The following CDK1 variants were observed in gnomAD, a reference collection of about 807,000 sequenced individuals.
The protein encoded by CDK1 is cyclin dependent kinase 1, also known as cyclin-dependent kinase 1.
CDK1 carries 5 observed loss-of-function variants against 34.6 expected under a neutral mutation model. The ratio of observed to expected loss-of-function variants is 0.14; its 90% CI spans 0.08 to 0.30. The LOEUF (loss-of-function observed/expected upper bound fraction) is 0.30. CDK1 is among the 10% of genes least tolerant of loss of function. CDK1 has a pLI of 1.00. For synonymous variants in CDK1, 108 were observed against 114.7 expected (o/e 0.94, Z 0.37); for missense variants, 157 against 345.7 (o/e 0.45, Z 4.33).
chr10:60,794,552 T>C lies in CDK1; in HGVS notation c.*577T>C, dbSNP rs189563607. ...TTTTCAGTAACTTAAAAAGCTAACATGAGAGCATGCCAAAATTTGCTAAGT... is the reference window on the plus strand; with the variant it reads ...TTTTCAGTAACTTAAAAAGCTAACACGAGAGCATGCCAAAATTTGCTAAGT... On this transcript the variant is annotated 3_prime_UTR_variant, in exon 8 of 8. Transcript: ENST00000395284. 6.6e-6 allele frequency: 1 copy of C among 152,270 alleles called. No individual in the cohort carries two copies. Among genetic ancestry groups the C allele is most frequent in the East Asian group, 1.9e-4 (1 of 5,180 alleles). 9.4% of individuals were successfully genotyped at this position (152,270 alleles called of 1,614,324 possible).
rs2080331594 is a variant in CDK1 at position 60,788,176 on chromosome 10, T to A, written c.435T>A (p.Ala145=). Residue 145 remains alanine, a synonymous_variant, in exon 5 of 8, where the codon GCT becomes GCA. Transcript: ENST00000395284. ...ATGACAAAGGAACAATTAAACTGGC[T>A]GATTTTGGCCTTGCCAGAGCTTTTG... is the stretch of plus-strand genomic sequence containing the variant. ...LIDDKGTIKL[A]DFGLARAFGI... is the part of the protein sequence containing the mutation. 1 of 1,611,670 alleles carries A rather than the reference T, an allele frequency of 6.2e-7. No individual in the cohort carries two copies. The highest frequency in any genetic ancestry group is 1.7e-5 in the Admixed American group (1 of 59,882).
chr10:60,784,000 A>G (rs1046769194), intron 2 of CDK1, among the ~76,000 whole-genome samples: 1 of 152,214 alleles, frequency 6.6e-6, no homozygotes, highest in Non-Finnish European at 1.5e-5. Flanking sequence ...GTATTTTCTG[A>G]AAGTGTCATA....
chr10:60,789,804 G>A (rs1011279025), intron 5 of CDK1, among the ~76,000 whole-genome samples: 1 of 152,156 alleles, frequency 6.6e-6, no homozygotes, highest in African/African-American at 2.4e-5. Context: ...GTTCTAGTTT[G>A]TAGTTTTTTG....
At chr10:60,788,765 A>G (rs2080335643) in intron 5 of CDK1, among the ~76,000 whole-genome samples, 1 of 152,072 alleles carries the variant, frequency 6.6e-6, no homozygotes, top group Non-Finnish European at 1.5e-5. Context: ...GTGTTTCTGA[A>G]GGAAAGGGAA....
chr10:60,779,137 A>G (rs2080250460), intron 1 of CDK1, among the ~76,000 whole-genome samples: 1 of 137,328 alleles, frequency 7.3e-6, no homozygotes, highest in African/African-American at 2.6e-5. Context: ...CAGTCAGCCC[A>G]GGCACTTAAC....
At chr10:60,788,379 C>A in intron 5 of CDK1, 149 bp downstream of exon 5, 1 of 497,184 alleles carries the variant, frequency 2.0e-6, no homozygotes, top group African/African-American at 2.0e-5. Flanking sequence ...AAATTCATTG[C>A]ATGCTATGTG....
chr10:60,778,471 AC>A (rs2080241388), upstream of CDK1: 1 of 152,204 alleles, frequency 6.6e-6, no homozygotes, highest in Admixed American at 6.5e-5. Flanking sequence ...TGAGTTTGAA[AC>A]TGCTCGCACT....
rs1437567770 is a variant in CDK1, at chr10:60,794,351, T to G, written c.*376T>G. 5 of 155,984 alleles carry G rather than the reference T, an allele frequency of 3.2e-5. No homozygotes were observed. Among genetic ancestry groups the G allele is most frequent in the Non-Finnish European group, 7.1e-5 (5 of 70,722 alleles). The allele number at this position is 155,984 out of a possible 1,614,324, so 9.7% of individuals were successfully genotyped here. A position where few individuals can be genotyped will look rare whatever the true frequency, so the allele number is the denominator to read the frequency against. The stretch of plus-strand genomic sequence containing the variant: ...TCAAGTTTCGTAATGCTTTGAAGTA[T>G]TTTTATGCTCTGAATGTTTAAATGT... On this transcript the variant is annotated 3_prime_UTR_variant, in exon 8 of 8. Transcript: ENST00000395284.
chr10:60,778,484 G>C lies in CDK1; in HGVS notation c.-112G>C, dbSNP rs1181782734. ...GGTGAGTTTGAAACTGCTCGCACTTGGCTTCAAAGCTGGCTCTTGGAAATT... is the reference window on the plus strand; with the variant it reads ...GGTGAGTTTGAAACTGCTCGCACTTCGCTTCAAAGCTGGCTCTTGGAAATT... On this transcript the variant is annotated 5_prime_UTR_variant, in exon 1 of 8. Transcript: ENST00000395284. 6.6e-6 allele frequency: 1 copy of C among 152,340 alleles called. No homozygotes were observed. The highest frequency in any genetic ancestry group is 1.9e-4 in the East Asian group (1 of 5,194). 9.4% of individuals were successfully genotyped at this position (152,340 alleles called of 1,614,324 possible).
At chr10:60,785,631 T>C in intron 3 of CDK1, 33 bp from the exon 4 acceptor site, 1 of 1,389,694 alleles carries the variant, frequency 7.2e-7, no homozygotes, top group Non-Finnish European at 1.0e-6. Flanking sequence ...AAATGTTTGC[T>C]GGATTCTTCT....
At chr10:60,792,091 A>G (rs2080364136) in intron 6 of CDK1, 38 bp downstream of exon 6, 3 of 1,599,372 alleles carry the variant, frequency 1.9e-6, no homozygotes, top group Non-Finnish European at 1.7e-6. Context: ...GGTAACATAT[A>G]TGTAACAATG....
At chr10:60,780,849 G>A (rs552133750) in intron 2 of CDK1, among the ~76,000 whole-genome samples, 9 of 151,908 alleles carry the variant, frequency 5.9e-5, no homozygotes, top group Non-Finnish European at 1.0e-4. Context: ...CGATTCTCCA[G>A]GTACAAAATA....
chr10:60,794,103 T>C lies in CDK1; in HGVS notation c.*128T>C. On this transcript the variant is annotated 3_prime_UTR_variant, in exon 8 of 8. Transcript: ENST00000395284. ...CTTCAGCTGTACTTCGTCTTCTAAT[T>C]TCAAAAATATAACTTAAAAATGTAA... is the stretch of plus-strand genomic sequence containing the variant. 1 of 508,192 alleles carries C rather than the reference T, an allele frequency of 2.0e-6. No individual in the cohort carries two copies. Among genetic ancestry groups the C allele is most frequent in the South Asian group, 3.6e-5 (1 of 28,158 alleles). The allele number at this position is 508,192 out of a possible 1,614,324, so 31.5% of individuals were successfully genotyped here.
intron 4 of CDK1, chr10:60,786,240 C>T (rs2080314766): frequency 1.0e-6 from 1 of 964,332 alleles, no homozygotes; most frequent in Non-Finnish European, 1.2e-6. Flanking sequence ...ATTCTTGCAC[C>T]AGTTCTACCA....
intron 5 of CDK1, among the ~76,000 whole-genome samples, chr10:60,791,196 C>A (rs1186241641): frequency 1.3e-5 from 2 of 151,790 alleles, no homozygotes; most frequent in Admixed American, 6.6e-5. Context: ...AAATTTTTTT[C>A]TTCAATGTTT....
chr10:60,790,421 A>C lies in CDK1; in HGVS notation c.490-1469A>C, dbSNP rs1205005307. Among the ~76,000 whole-genome samples, 4 of 151,924 alleles carry C rather than the reference A, an allele frequency of 2.6e-5. No homozygotes were observed. In the East Asian group the frequency reaches 7.7e-4, roughly 29 times the overall value. Reference sequence around the variant, plus strand: ...CACCACCATGCTAGGCTGATTTTTAAATTTTTTAGAGACGGGGCTGTCAGC... The same window carrying C: ...CACCACCATGCTAGGCTGATTTTTACATTTTTTAGAGACGGGGCTGTCAGC... On this transcript the variant is annotated intron_variant, in intron 5 of 7. Coordinates refer to ENST00000395284, the MANE Select transcript of CDK1 (RefSeq NM_001786.5).
At position 60,792,087 on chromosome 10, in the gene CDK1, A is replaced by T. The variant is rs748371434; in HGVS notation, c.653+34A>T. The T allele has an allele frequency of 3.1e-6, 5 of 1,602,614 alleles. No individual in the cohort carries two copies. In the South Asian group the frequency reaches 3.3e-5, roughly 11 times the overall value. On this transcript the variant is annotated intron_variant, in intron 6 of 7. Transcript: ENST00000395284. Reference sequence around the variant, plus strand: ...TAAAAACTGAGATAATAAAGGTAACATATATGTAACAATGAGATTACATTT... The same window carrying T: ...TAAAAACTGAGATAATAAAGGTAACTTATATGTAACAATGAGATTACATTT...
chr10:60,786,708 A>G, intron 4 of CDK1: 1 of 247,696 alleles, frequency 4.0e-6, no homozygotes, highest in African/African-American at 2.3e-5. Context: ...TTGTTTTAGT[A>G]CATCATTGCC....
chr10:60,790,965 G>A (rs1239783229), intron 5 of CDK1, among the ~76,000 whole-genome samples: 2 of 152,108 alleles, frequency 1.3e-5, no homozygotes, highest in Admixed American at 1.3e-4. Context: ...GTGATACGAT[G>A]CCTTCAGCTT....
Sources: allele counts gnomAD v4.1 joint callset (sites outside exome capture counted in the v4.1 genomes callset), GRCh38; gene constraint gnomAD v4.1.1; transcripts MANE v1.5; gene names NCBI Gene and HGNC (gene_info 2026-07-23, HGNC 2026-07-21).